CSMD1: variants seen among roughly 807,000 people sequenced by gnomAD.
CSMD1 encodes the protein CUB and Sushi multiple domains 1.
CSMD1 carries 213 observed loss-of-function variants against 417.5 expected under a neutral mutation model. The ratio of observed to expected loss-of-function variants is 0.51; its 90% CI spans 0.46 to 0.57. The LOEUF is 0.57. Ranked by LOEUF, CSMD1 falls within the 20% of genes least tolerant of loss-of-function variation. The probability of loss-of-function intolerance (pLI) is 0.00; values close to 1 mark genes in which losing one functional copy is unlikely to be tolerated. For missense variants in CSMD1, 6,923 were observed against 4,529.7 expected, an observed-to-expected ratio of 1.53 and a Z score of -15.17; for synonymous variants, 2,862 against 1,736.8, an observed-to-expected ratio of 1.65 and a Z score of -16.11.
chr8:4,870,511 C>T (rs1383993989), intron 1 of CSMD1, among the ~76,000 whole-genome samples: 1 of 152,116 alleles, frequency 6.6e-6, no homozygotes, highest in African/African-American at 2.4e-5. Flanking sequence ...CTGTCACATG[C>T]AACTTGGCCA....
chr8:3,954,065 A>C (rs988577437), intron 5 of CSMD1, among the ~76,000 whole-genome samples: 2 of 151,256 alleles, frequency 1.3e-5, no homozygotes, highest in East Asian at 2.0e-4. Flanking sequence ...TGTCCCCGGG[A>C]CCCCGCCTCT....
At chr8:4,461,251 C>A (rs76797017) in intron 2 of CSMD1, among the ~76,000 whole-genome samples, 1 of 151,956 alleles carries the variant, frequency 6.6e-6, no homozygotes, top group African/African-American at 2.4e-5. Flanking sequence ...TAAAAGTCAC[C>A]TGCGAAAAGC....
At chr8:3,158,227 A>G (rs910911558) in intron 38 of CSMD1, among the ~76,000 whole-genome samples, 2 of 152,108 alleles carry the variant, frequency 1.3e-5, no homozygotes, top group African/African-American at 4.8e-5. Context: ...CCATAATTCG[A>G]CTCAGCTCCT....
chr8:4,320,995 T>G (rs192172644), intron 3 of CSMD1, among the ~76,000 whole-genome samples: 1 of 152,280 alleles, frequency 6.6e-6, no homozygotes, highest in African/African-American at 2.4e-5. Context: ...CTTATACCAG[T>G]TTCTCTGTAA....
intron 39 of CSMD1, among the ~76,000 whole-genome samples, chr8:3,151,782 C>A (rs1043957355): frequency 1.3e-5 from 2 of 152,148 alleles, no homozygotes; most frequent in African/African-American, 4.8e-5. Flanking sequence ...AAGATGAGTC[C>A]ATGTAATGTT....
chr8:4,203,325 G>C (rs967578733), intron 3 of CSMD1, among the ~76,000 whole-genome samples: 2 of 152,118 alleles, frequency 1.3e-5, no homozygotes, highest in African/African-American at 2.4e-5. Context: ...GGCTCAGGGA[G>C]ACCCATCTGC....
intron 52 of CSMD1, among the ~76,000 whole-genome samples, chr8:3,014,059 C>A (rs75705962): frequency 6.6e-6 from 1 of 152,008 alleles, no homozygotes; most frequent in Non-Finnish European, 1.5e-5. Context: ...TATTTCTACT[C>A]TGAGAAAAAT....
chr8:4,672,024 A>G (rs962520524), intron 1 of CSMD1, among the ~76,000 whole-genome samples: 2 of 152,188 alleles, frequency 1.3e-5, no homozygotes, highest in Non-Finnish European at 2.9e-5. Flanking sequence ...TGAGAGCATG[A>G]CAGTGATGAC....
intron 1 of CSMD1, among the ~76,000 whole-genome samples, chr8:4,780,252 G>A (rs1315607632): frequency 2.6e-5 from 4 of 152,212 alleles, no homozygotes; most frequent in African/African-American, 4.8e-5. Context: ...CCCTGAAGGT[G>A]TGCAGATTGG....
chr8:4,100,641 C>T (rs182552606), intron 3 of CSMD1, among the ~76,000 whole-genome samples: 81 of 152,096 alleles, frequency 5.3e-4, no homozygotes, highest in African/African-American at 1.7e-3. Context: ...TAAGTATGTC[C>T]ATCATTTCGA....
At chr8:4,694,363 T>A (rs1248388682) in intron 1 of CSMD1, among the ~76,000 whole-genome samples, 1 of 152,214 alleles carries the variant, frequency 6.6e-6, no homozygotes, top group Non-Finnish European at 1.5e-5. Context: ...ATTTTTTTTA[T>A]TTTTTTGAGA....
chr8:4,752,247 CTG>C (rs2117054205), intron 1 of CSMD1, among the ~76,000 whole-genome samples: 1 of 152,224 alleles, frequency 6.6e-6, no homozygotes, highest in Non-Finnish European at 1.5e-5. Context: ...CAGTGTATAA[CTG>C]TGTACTTGTC....
intron 3 of CSMD1, among the ~76,000 whole-genome samples, chr8:4,206,042 T>C (rs913643170): frequency 2.6e-5 from 4 of 152,112 alleles, no homozygotes; most frequent in African/African-American, 9.7e-5. Flanking sequence ...ATCCATGCCA[T>C]AAATCTTCCC....
At chr8:3,315,310 C>A (rs1805666413) in intron 23 of CSMD1, among the ~76,000 whole-genome samples, 1 of 151,964 alleles carries the variant, frequency 6.6e-6, no homozygotes, top group South Asian at 2.1e-4. Context: ...TTTTATAGTT[C>A]ACTTGAGAAG....
chr8:4,437,659 G>A (rs6558883), intron 2 of CSMD1, among the ~76,000 whole-genome samples: 6 of 152,154 alleles, frequency 3.9e-5, no homozygotes, highest in Admixed American at 3.3e-4. Flanking sequence ...AAAGGAGTTC[G>A]TAGAGTTTAA....
chr8:4,455,929 C>CAAAAAAAAAAAAAAAAAA lies in CSMD1; in HGVS notation c.303-35882_303-35865dup. Among the ~76,000 whole-genome samples the CAAAAAAAAAAAAAAAAAA allele has an allele frequency of 2.8e-3, 33 of 11,650 alleles. 10 individuals carry two copies. Among genetic ancestry groups the CAAAAAAAAAAAAAAAAAA allele is most frequent in the Admixed American group, 4.6e-3 (2 of 432 alleles). The allele number at this position is 11,650 out of a possible 152,430, so 7.6% of individuals were successfully genotyped here. ...GGGTGACAAAGTGAGACTCCAACTC[C>CAAAAAAAAAAAAAAAAAA]AAAAAAAAAAAAAAAAAAAAAAAAA... On this transcript the variant is annotated intron_variant, in intron 2 of 69. Transcript: ENST00000635120.
intron 8 of CSMD1, chr8:3,598,452 C>A (rs1053116457): frequency 6.6e-6 from 1 of 152,236 alleles, no homozygotes; most frequent in East Asian, 1.9e-4. Flanking sequence ...ACAGGCTCTT[C>A]TTCCTTCTGG....
intron 1 of CSMD1, among the ~76,000 whole-genome samples, chr8:4,975,733 G>A (rs931321257): frequency 6.6e-6 from 1 of 152,148 alleles, no homozygotes; most frequent in Admixed American, 6.6e-5. Context: ...GATGTGCTGA[G>A]ACAATGAAGA....
At chr8:3,536,747 C>T (rs1258412343) in intron 10 of CSMD1, among the ~76,000 whole-genome samples, 1 of 152,128 alleles carries the variant, frequency 6.6e-6, no homozygotes, top group Non-Finnish European at 1.5e-5. Context: ...AGCCCCAATA[C>T]CCAAAAGTGT....
Sources: allele counts gnomAD v4.1 joint callset (sites outside exome capture counted in the v4.1 genomes callset), GRCh38; gene constraint gnomAD v4.1.1; transcripts MANE v1.5; gene names NCBI Gene and HGNC (gene_info 2026-07-23, HGNC 2026-07-21).